The following SLC35D4 variants were observed in gnomAD, a reference collection of about 807,000 sequenced individuals.
SLC35D4 encodes the protein solute carrier family 35 member D4, also known as UDP-N-acetylglucosamine transporter SLC35D4.
the SLC35D4 span, among the ~76,000 whole-genome samples, chr18:23,377,945 C>A: frequency 6.6e-6 from 1 of 151,768 alleles, no homozygotes; most frequent in African/African-American, 2.4e-5. Flanking sequence ...GCTGTGTCTT[C>A]AAAAATCTTA....
the SLC35D4 span, among the ~76,000 whole-genome samples, chr18:23,280,847 C>A: frequency 3.3e-4 from 50 of 152,190 alleles, 1 homozygote; most frequent in South Asian, 0.01. Context: ...ACCATGCCCC[C>A]CCGTCTCCTC....
chr18:23,362,481 C>A, the SLC35D4 span, among the ~76,000 whole-genome samples: 1 of 152,260 alleles, frequency 6.6e-6, no homozygotes, highest in Admixed American at 6.5e-5. Flanking sequence ...TGCCTGTAAT[C>A]TCAGCTACTT....
chr18:23,274,771 C>G, the SLC35D4 span, among the ~76,000 whole-genome samples: 1 of 152,248 alleles, frequency 6.6e-6, no homozygotes, highest in Non-Finnish European at 1.5e-5. Context: ...CCATCTCCCT[C>G]TCAGTCTCAC....
the SLC35D4 span, among the ~76,000 whole-genome samples, chr18:23,273,266 A>C: frequency 2.0e-5 from 3 of 152,340 alleles, no homozygotes; most frequent in East Asian, 3.9e-4. Context: ...GCAGAATCAG[A>C]GGGATAAATG....
the SLC35D4 span, chr18:23,252,941 GTTCC>G: frequency 6.5e-7 from 1 of 1,530,140 alleles, no homozygotes; most frequent in Non-Finnish European, 9.1e-7. Flanking sequence ...AGTGATCCGT[GTTCC>G]CCTGTCTGTT....
At chr18:23,332,714 A>G in the SLC35D4 span, among the ~76,000 whole-genome samples, 1 of 152,136 alleles carries the variant, frequency 6.6e-6, no homozygotes, top group African/African-American at 2.4e-5. Flanking sequence ...GTTAGATAAA[A>G]TGATGTATCA....
the SLC35D4 span, among the ~76,000 whole-genome samples, chr18:23,252,546 G>C: frequency 6.6e-6 from 1 of 152,132 alleles, no homozygotes; most frequent in African/African-American, 2.4e-5. Context: ...TGAGATTTGG[G>C]GTGATTTGAA....
At chr18:23,250,587 C>T in the SLC35D4 span, among the ~76,000 whole-genome samples, 2 of 152,192 alleles carry the variant, frequency 1.3e-5, no homozygotes, top group Admixed American at 6.5e-5. Context: ...TGGAGGGCTG[C>T]CACAGGGGTC....
chr18:23,268,397 C>T, the SLC35D4 span, among the ~76,000 whole-genome samples: 8 of 152,180 alleles, frequency 5.3e-5, no homozygotes, highest in Admixed American at 2.6e-4. Context: ...TGTCAAAGTG[C>T]GGTCTTAGTA....
chr18:23,280,849 C>T, the SLC35D4 span, among the ~76,000 whole-genome samples: 3 of 152,164 alleles, frequency 2.0e-5, no homozygotes, highest in East Asian at 1.9e-4. Context: ...CATGCCCCCC[C>T]GTCTCCTCTT....
the SLC35D4 span, among the ~76,000 whole-genome samples, chr18:23,285,111 C>A: frequency 2.6e-5 from 4 of 152,192 alleles, no homozygotes; most frequent in African/African-American, 7.2e-5. Context: ...GGGGGAGGGG[C>A]AGGAGCCCTG....
the SLC35D4 span, among the ~76,000 whole-genome samples, chr18:23,432,762 CG>C: frequency 6.6e-6 from 1 of 151,140 alleles, no homozygotes; most frequent in Non-Finnish European, 1.5e-5. Context: ...GAGGCCAAGG[CG>C]GGAGCCCAGG....
chr18:23,349,435 T>C, the SLC35D4 span, among the ~76,000 whole-genome samples: 2 of 152,132 alleles, frequency 1.3e-5, no homozygotes, highest in Non-Finnish European at 2.9e-5. Context: ...ATCGAGAACA[T>C]CCTGGCTAAC....
chr18:23,411,550 A>AAAGAAAGAAAGAAAGAAAGG, the SLC35D4 span, among the ~76,000 whole-genome samples: 8 of 149,788 alleles, frequency 5.3e-5, no homozygotes, highest in East Asian at 1.9e-4. Flanking sequence ...AGAAAGAAAG[A>AAAGAAAGAAAGAAAGAAAGG]AAGGTGTGTG....
the SLC35D4 span, among the ~76,000 whole-genome samples, chr18:23,300,033 G>A: frequency 2.0e-5 from 3 of 152,156 alleles, no homozygotes; most frequent in East Asian, 1.9e-4. Context: ...CACTGTCTCC[G>A]TGAGAAATTG....
At chr18:23,290,882 C>T in the SLC35D4 span, among the ~76,000 whole-genome samples, 1 of 151,982 alleles carries the variant, frequency 6.6e-6, no homozygotes, top group Admixed American at 6.6e-5. Flanking sequence ...AGGTGATCCA[C>T]CCGCCTCGGC....
chr18:23,244,343 C>T, the SLC35D4 span, among the ~76,000 whole-genome samples: 2 of 152,246 alleles, frequency 1.3e-5, no homozygotes, highest in Non-Finnish European at 2.9e-5. Context: ...CTGTGTTCCT[C>T]TCCGTGTGCA....
the SLC35D4 span, among the ~76,000 whole-genome samples, chr18:23,323,227 G>A: frequency 6.6e-6 from 1 of 152,290 alleles, no homozygotes; most frequent in South Asian, 2.1e-4. Context: ...AAGGCTGTGA[G>A]GATTTGTTCA....
the SLC35D4 span, among the ~76,000 whole-genome samples, chr18:23,309,007 T>A: frequency 3.3e-5 from 5 of 152,136 alleles, no homozygotes; most frequent in South Asian, 1.0e-3. Flanking sequence ...CCCATGCACA[T>A]CCTCCTGTAT....
Sources: allele counts gnomAD v4.1 joint callset (sites outside exome capture counted in the v4.1 genomes callset), GRCh38; gene constraint gnomAD v4.1.1; transcripts MANE v1.5; gene names NCBI Gene and HGNC (gene_info 2026-07-23, HGNC 2026-07-21).